Variants in HSD17B14 observed in about 807,000 individuals in gnomAD.
HSD17B14 encodes hydroxysteroid 17-beta dehydrogenase 14, also known as L-fucose dehydrogenase.
HSD17B14 carries 32 observed loss-of-function variants against 32.2 expected under a neutral mutation model. The observed-to-expected ratio is 0.99, with a 90% CI of 0.75 to 1.33. The LOEUF (loss-of-function observed/expected upper bound fraction) is 1.33. HSD17B14 is among the 40% of genes most tolerant of loss of function. The pLI is 0.00. For missense variants in HSD17B14, 370 were observed against 366.5 expected, an observed-to-expected ratio of 1.01 and a Z score of -0.08; for synonymous variants, 140 against 155.4, an observed-to-expected ratio of 0.90 and a Z score of 0.74.
At chr19:48,825,989 T>C (rs1248355232) in intron 5 of HSD17B14, among the ~76,000 whole-genome samples, 6 of 151,778 alleles carry the variant, frequency 4.0e-5, no homozygotes, top group Non-Finnish European at 7.4e-5. Context: ...CACAGCTATT[T>C]TTTTGTATTT....
intron 5 of HSD17B14, among the ~76,000 whole-genome samples, chr19:48,830,003 C>CT (rs1179906831): frequency 6.6e-6 from 1 of 150,878 alleles, no homozygotes; most frequent in African/African-American, 2.4e-5. Flanking sequence ...AGGTCTCACT[C>CT]TGTCACCTAG....
At chr19:48,829,898 C>T (rs1031147114) in intron 5 of HSD17B14, among the ~76,000 whole-genome samples, 5 of 152,178 alleles carry the variant, frequency 3.3e-5, no homozygotes, top group African/African-American at 1.2e-4. Context: ...CTGCCTCGGC[C>T]TCCCAAAGTG....
At chr19:48,830,718 T>TC (rs2122790720) in intron 5 of HSD17B14, among the ~76,000 whole-genome samples, 1 of 152,218 alleles carries the variant, frequency 6.6e-6, no homozygotes, top group South Asian at 2.1e-4. Flanking sequence ...GACGAGGGTT[T>TC]CACTATGTTG....
In HSD17B14 at chr19:48,813,264, C is replaced by G. The variant is rs1461973307; in HGVS notation, c.724G>C (p.Glu242Gln). 1 of 1,607,632 alleles carries G rather than the reference C, an allele frequency of 6.2e-7. No individual in the cohort carries two copies. The highest frequency in any genetic ancestry group is 1.7e-5 in the Admixed American group (1 of 58,992). Residue 242 changes from glutamate (E) to glutamine (Q), a missense_variant, in exon 9 of 9, where the codon GAA (glutamate) becomes CAA (glutamine). Coordinates refer to ENST00000263278, the MANE Select transcript of HSD17B14 (RefSeq NM_016246.3). ...ASEANFCTGI[E>Q]LLVTGGAELG... The stretch of plus-strand genomic sequence containing the variant: ...TCTGCACCCCCCGTCACGAGCAGTT[C>G]AATGCCCGTGCAGAAGTTGGCTTCG...
chr19:48,829,550 C>T (rs2035302652), intron 5 of HSD17B14, among the ~76,000 whole-genome samples: 1 of 151,328 alleles, frequency 6.6e-6, no homozygotes, highest in Non-Finnish European at 1.5e-5. Flanking sequence ...TGGGGTTTCA[C>T]CATGTTGGAC....
chr19:48,817,401 A>G (rs1206377241), intron 5 of HSD17B14, among the ~76,000 whole-genome samples: 1 of 150,614 alleles, frequency 6.6e-6, no homozygotes, highest in African/African-American at 2.4e-5. Flanking sequence ...CTGGTCTTGA[A>G]CTCCTGAGGT....
At chr19:48,818,825 C>T (rs1455340821) in intron 5 of HSD17B14, among the ~76,000 whole-genome samples, 1 of 152,082 alleles carries the variant, frequency 6.6e-6, no homozygotes, top group African/African-American at 2.4e-5. Context: ...CATACTGAGA[C>T]CCCAGTTCTT....
In HSD17B14 at chr19:48,813,302, A is replaced by G. The variant is rs776597962; in HGVS notation, c.686T>C (p.Val229Ala). Residue 229 changes from valine to alanine, a missense_variant, in exon 9 of 9, where the codon GTG (valine) becomes GCG (alanine). By Grantham distance (64) the Val-to-Ala change is moderately conservative. Transcript: ENST00000263278. ...GAAGTTGGCTTCGGAGGCCAGGAACACTGCCGCAGCCCCGACCTCAGCGGG... is the reference window on the plus strand; with the variant it reads ...GAAGTTGGCTTCGGAGGCCAGGAACGCTGCCGCAGCCCCGACCTCAGCGGG... ...GQPAEVGAAAVFLASEANFCT... is the reference protein window; with the variant it reads ...GQPAEVGAAAAFLASEANFCT... The G allele has an allele frequency of 6.9e-6, 11 of 1,599,666 alleles. No homozygotes were observed. In the East Asian group the frequency reaches 1.6e-4, roughly 23 times the overall value.
At chr19:48,833,652 C>T (rs558204210) in intron 3 of HSD17B14, among the ~76,000 whole-genome samples, 16 of 152,180 alleles carry the variant, frequency 1.1e-4, no homozygotes, top group Non-Finnish European at 2.1e-4. Context: ...CATGGAGAAA[C>T]ACCGTCTCTA....
In HSD17B14 at chr19:48,813,121, G is replaced by C. The variant is rs2034987576; in HGVS notation, c.*54C>G. The C allele has an allele frequency of 1.6e-6, 2 of 1,252,350 alleles. No individual in the cohort carries two copies. Among genetic ancestry groups the C allele is most frequent in the Non-Finnish European group, 2.2e-6 (2 of 890,528 alleles). 77.6% of individuals were successfully genotyped at this position (1,252,350 alleles called of 1,614,324 possible). ...TGGGGGCTGCATCTGATACAGGTTG[G>C]AGTTTGGGGTGGGAGAGTCCTAGGA... On this transcript the variant is annotated 3_prime_UTR_variant, in exon 9 of 9. Transcript: ENST00000263278.
intron 4 of HSD17B14, 73 bp from the exon 5 acceptor site, chr19:48,831,832 C>A: frequency 1.1e-6 from 1 of 869,888 alleles, no homozygotes; most frequent in Non-Finnish European, 1.9e-6. Flanking sequence ...GTAATCCCAG[C>A]ACTTTGGGAG....
intron 4 of HSD17B14, among the ~76,000 whole-genome samples, chr19:48,832,282 G>A (rs1264813702): frequency 6.6e-6 from 1 of 151,610 alleles, no homozygotes; most frequent in East Asian, 1.9e-4. Flanking sequence ...GGGAGGCTGA[G>A]GCAGGAGAAT....
intron 5 of HSD17B14, among the ~76,000 whole-genome samples, chr19:48,823,199 T>C (rs1298987760): frequency 2.0e-5 from 3 of 147,216 alleles, no homozygotes; most frequent in East Asian, 1.9e-4. Context: ...ATTTTTGTTA[T>C]GTAAAAAAGG....
intron 5 of HSD17B14, among the ~76,000 whole-genome samples, chr19:48,820,575 A>G (rs543845527): frequency 6.8e-6 from 1 of 146,436 alleles, no homozygotes; most frequent in Non-Finnish European, 1.5e-5. Context: ...TGTCTTGCCC[A>G]GGCTGGAGTG....
Position 48,815,098 on chromosome 19 carries a change from T to G in HSD17B14, c.413A>C (p.Asn138Thr). 1 of 1,613,964 alleles carries G rather than the reference T, an allele frequency of 6.2e-7. No homozygotes were observed. The highest frequency in any genetic ancestry group is 1.1e-5 in the South Asian group (1 of 91,082). ...GATTGCCCCCACCAGGCTGGAGATG[T>G]TGATGACATTCCCTTGACTCTTCCG... ...YLRKSQGNVINISSLVGAIGQ... is the reference protein window; with the variant it reads ...YLRKSQGNVITISSLVGAIGQ... Residue 138 changes from asparagine to threonine, a missense_variant, in exon 6 of 9, where the codon AAC (asparagine) becomes ACC (threonine). Transcript: ENST00000263278.
chr19:48,822,115 ATGG>A (rs1185188598), intron 5 of HSD17B14, among the ~76,000 whole-genome samples: 1 of 145,656 alleles, frequency 6.9e-6, no homozygotes, highest in Non-Finnish European at 1.5e-5. Context: ...GGTGGCAATG[ATGG>A]TGATGCTGAT....
At chr19:48,833,593 G>A (rs2035386594) in intron 3 of HSD17B14, among the ~76,000 whole-genome samples, 1 of 151,984 alleles carries the variant, frequency 6.6e-6, no homozygotes, top group Admixed American at 6.6e-5. Flanking sequence ...TTGGGAGGCT[G>A]AGGCGGGCGG....
chr19:48,826,525 G>GAAAAAAAAAAAAAAAA (rs1418028808), intron 5 of HSD17B14, among the ~76,000 whole-genome samples: 2 of 5,164 alleles, frequency 3.9e-4, no homozygotes, highest in Non-Finnish European at 1.1e-3. Flanking sequence ...AAGAAAAGAA[G>GAAAAAAAAAAAAAAAA]AAAATATATA....
At position 48,815,073 on chromosome 19, in the gene HSD17B14, G is replaced by C; in HGVS notation, c.438C>G (p.Ile146Met). The change falls in exon 6 of 9, where the codon ATC becomes ATG. Residue 146 changes from isoleucine to methionine, a missense_variant. Coordinates refer to ENST00000263278, the MANE Select transcript of HSD17B14 (RefSeq NM_016246.3). Reference protein sequence around the residue: ...VINISSLVGAIGQAQAVPYVA... With the variant: ...VINISSLVGAMGQAQAVPYVA... Reference sequence around the variant, plus strand: ...CATAGGGAACTGCCTGGGCCTGGCCGATTGCCCCCACCAGGCTGGAGATGT... The same window carrying C: ...CATAGGGAACTGCCTGGGCCTGGCCCATTGCCCCCACCAGGCTGGAGATGT... The C allele has an allele frequency of 6.2e-7, 1 of 1,613,932 alleles. No homozygotes were observed. Among genetic ancestry groups the C allele is most frequent in the Non-Finnish European group, 8.5e-7 (1 of 1,179,940 alleles).
Sources: allele counts gnomAD v4.1 joint callset (sites outside exome capture counted in the v4.1 genomes callset), GRCh38; gene constraint gnomAD v4.1.1; transcripts MANE v1.5; gene names NCBI Gene and HGNC (gene_info 2026-07-23, HGNC 2026-07-21).